The following CDKAL1 variants were observed in gnomAD, a reference collection of about 807,000 sequenced individuals.
CDKAL1 encodes the protein CDKAL1 threonylcarbamoyladenosine tRNA methylthiotransferase, also known as threonylcarbamoyladenosine tRNA methylthiotransferase.
In CDKAL1, 32 loss-of-function variants were observed where a neutral mutation model predicts 68.2. The ratio of observed to expected loss-of-function variants is 0.47; its 90% CI spans 0.35 to 0.63. CDKAL1 has a LOEUF of 0.63. Among genes scored for constraint, CDKAL1 ranks in the 30% least tolerant of loss-of-function variants. CDKAL1 has a pLI of 0.00. For missense variants in CDKAL1, 606 were observed against 696.7 expected (o/e 0.87, Z 1.47); for synonymous variants, 234 against 244.3 (o/e 0.96, Z 0.39).
intron 10 of CDKAL1, among the ~76,000 whole-genome samples, chr6:20,982,284 C>A (rs923185844): frequency 6.6e-6 from 1 of 151,960 alleles, no homozygotes; most frequent in Non-Finnish European, 1.5e-5. Context: ...GTCTCAAACT[C>A]CTGGGTTCAA....
At chr6:20,761,005 A>C (rs1345155517) in intron 7 of CDKAL1, among the ~76,000 whole-genome samples, 1 of 152,222 alleles carries the variant, frequency 6.6e-6, no homozygotes, top group Non-Finnish European at 1.5e-5. Context: ...TGCAAAATAC[A>C]CATATGATAA....
intron 10 of CDKAL1, among the ~76,000 whole-genome samples, chr6:20,964,543 A>G (rs1216462615): frequency 6.6e-6 from 1 of 152,160 alleles, no homozygotes; most frequent in African/African-American, 2.4e-5. Context: ...AAACTAACAC[A>G]CAAACAGAAA....
At chr6:20,654,331 G>T in intron 5 of CDKAL1, among the ~76,000 whole-genome samples, 1 of 148,192 alleles carries the variant, frequency 6.7e-6, no homozygotes, top group Admixed American at 6.7e-5. Context: ...ATTTATTTGT[G>T]GCCATATATT....
intron 4 of CDKAL1, among the ~76,000 whole-genome samples, chr6:20,644,122 C>T (rs1286918827): frequency 1.3e-5 from 2 of 149,244 alleles, no homozygotes; most frequent in Admixed American, 6.8e-5. Flanking sequence ...CACAAGCCAC[C>T]GTGTCTGGCC....
chr6:21,140,843 T>G (rs1363318574), intron 13 of CDKAL1, among the ~76,000 whole-genome samples: 1 of 152,140 alleles, frequency 6.6e-6, no homozygotes, highest in Admixed American at 6.5e-5. Context: ...GAGGTTTAAT[T>G]GGACTTACAG....
intron 9 of CDKAL1, among the ~76,000 whole-genome samples, chr6:20,926,609 T>C (rs1349292921): frequency 6.6e-6 from 1 of 152,062 alleles, no homozygotes; most frequent in Non-Finnish European, 1.5e-5. Flanking sequence ...AAGGGGCATC[T>C]TACCTTGGAA....
intron 4 of CDKAL1, among the ~76,000 whole-genome samples, chr6:20,568,261 C>T (rs755113572): frequency 1.8e-4 from 27 of 152,170 alleles, no homozygotes; most frequent in Non-Finnish European, 3.4e-4. Context: ...TCAAGGGATC[C>T]TCCCACTTCA....
At chr6:21,078,483 G>A (rs1213478619) in intron 12 of CDKAL1, among the ~76,000 whole-genome samples, 2 of 152,130 alleles carry the variant, frequency 1.3e-5, no homozygotes, top group Non-Finnish European at 2.9e-5. Context: ...ACAGCTCTCT[G>A]CCGTTAGAAC....
At chr6:20,697,360 T>C (rs1020631939) in intron 5 of CDKAL1, among the ~76,000 whole-genome samples, 1 of 152,188 alleles carries the variant, frequency 6.6e-6, no homozygotes, top group African/African-American at 2.4e-5. Context: ...TCAAGGAAAT[T>C]GTATCTCCTA....
chr6:20,540,077 C>CTT (rs71538791), intron 2 of CDKAL1, among the ~76,000 whole-genome samples: 2 of 131,254 alleles, frequency 1.5e-5, no homozygotes, highest in Non-Finnish European at 1.6e-5. Context: ...TTGGGATTGT[C>CTT]TTTTTTTTTT....
intron 7 of CDKAL1, among the ~76,000 whole-genome samples, chr6:20,763,820 T>C (rs886628072): frequency 2.0e-5 from 3 of 152,242 alleles, no homozygotes; most frequent in Admixed American, 6.5e-5. Flanking sequence ...TGGCAAATTC[T>C]TGATAAGTTA....
intron 4 of CDKAL1, among the ~76,000 whole-genome samples, chr6:20,643,161 A>AGTG (rs775469513): frequency 2.0e-5 from 3 of 152,102 alleles, no homozygotes; most frequent in Non-Finnish European, 4.4e-5. Context: ...GCACTCTCTA[A>AGTG]GTTGGTGCCT....
chr6:21,095,575 C>T (rs964938913), intron 12 of CDKAL1, among the ~76,000 whole-genome samples: 1 of 151,144 alleles, frequency 6.6e-6, no homozygotes, highest in African/African-American at 2.4e-5. Flanking sequence ...CCCCCCAACC[C>T]CCCTCCTACC....
intron 9 of CDKAL1, among the ~76,000 whole-genome samples, chr6:20,895,851 C>T (rs1220440329): frequency 2.6e-5 from 4 of 152,138 alleles, no homozygotes; most frequent in Non-Finnish European, 5.9e-5. Context: ...AATAGTCACT[C>T]CTGAAAGTTT....
At chr6:20,836,055 G>A (rs992715311) in intron 8 of CDKAL1, among the ~76,000 whole-genome samples, 2 of 151,956 alleles carry the variant, frequency 1.3e-5, no homozygotes, top group Middle Eastern at 3.2e-3. Context: ...GCTCCCTCAA[G>A]CCTCCTTTTT....
chr6:21,058,525 ATTG>A (rs1770960846), intron 11 of CDKAL1, among the ~76,000 whole-genome samples: 1 of 152,172 alleles, frequency 6.6e-6, no homozygotes, highest in African/African-American at 2.4e-5. Flanking sequence ...TAAGGCTAAT[ATTG>A]TTATGTTTGA....
At chr6:21,012,599 A>G (rs1276714031) in intron 11 of CDKAL1, among the ~76,000 whole-genome samples, 1 of 152,208 alleles carries the variant, frequency 6.6e-6, no homozygotes, top group East Asian at 1.9e-4. Context: ...TAAGAAACAC[A>G]TGAGTTTTCA....
At chr6:21,025,855 A>G (rs1052311358) in intron 11 of CDKAL1, among the ~76,000 whole-genome samples, 3 of 152,134 alleles carry the variant, frequency 2.0e-5, no homozygotes, top group Non-Finnish European at 4.4e-5. Context: ...CCTTATAGGA[A>G]AAAAAGAATA....
chr6:20,588,342 A>C (rs867848774), intron 4 of CDKAL1, among the ~76,000 whole-genome samples: 6 of 152,218 alleles, frequency 3.9e-5, no homozygotes, highest in Admixed American at 2.0e-4. Context: ...GCTACCTTCT[A>C]CATGACTCCC....
Sources: gnomAD v4.1 joint callset for allele counts (sites outside exome capture counted in the v4.1 genomes callset) on GRCh38, gnomAD v4.1.1 for gene constraint, MANE v1.5 for transcripts, NCBI Gene and HGNC (gene_info 2026-07-23, HGNC 2026-07-21) for gene names.